NAALADL2: variants seen among roughly 807,000 people sequenced by gnomAD.
NAALADL2 encodes the protein inactive N-acetylated-alpha-linked acidic dipeptidase-like protein 2.
Under a neutral mutation model 87.2 loss-of-function variants are expected in NAALADL2, and 76 were observed. The observed-to-expected ratio is 0.87, with a 90% confidence interval of 0.72 to 1.05. NAALADL2 has a LOEUF of 1.05. Ranked by LOEUF, NAALADL2 falls within the 50% of genes least tolerant of loss-of-function variation. The pLI is 0.00. For missense variants in NAALADL2, 1,089 were observed against 945.8 expected, an observed-to-expected ratio of 1.15 and a Z score of -1.99; for synonymous variants, 354 against 331.0, an observed-to-expected ratio of 1.07 and a Z score of -0.75.
chr3:175,791,990 T>C (rs1752843488), intron 13 of NAALADL2, among the ~76,000 whole-genome samples: 1 of 151,540 alleles, frequency 6.6e-6, no homozygotes, highest in South Asian at 2.1e-4. Context: ...TTTAACATAA[T>C]CACTAAAAAT....
chr3:174,799,834 C>T (rs779990836), intron 3 of NAALADL2, among the ~76,000 whole-genome samples: 47 of 151,960 alleles, frequency 3.1e-4, no homozygotes, highest in African/African-American at 8.5e-4. Context: ...ATAGTGATGT[C>T]GAATATAAGG....
At position 174,820,981 on chromosome 3, in the gene NAALADL2, A is replaced by T. The variant is rs181968602; in HGVS notation, c.-9+83235A>T. On this transcript the variant is annotated intron_variant, in intron 3 of 3. Coordinates refer to the NAALADL2 transcript ENST00000434257. ...ACTGAACTCACTCTCCAATATTCAG[A>T]AACAGAGATTAGGTTTTTTGTTTTC... Among the ~76,000 whole-genome samples the T allele has an allele frequency of 5.6e-3, 846 of 152,334 alleles. 7 individuals are homozygous for T. Among genetic ancestry groups the T allele is most frequent in the Admixed American group, 0.029 (444 of 15,294 alleles).
intron 4 of NAALADL2, among the ~76,000 whole-genome samples, chr3:175,280,975 A>T (rs1210435601): frequency 2.0e-5 from 3 of 151,982 alleles, no homozygotes; most frequent in African/African-American, 7.2e-5. Context: ...CTCTGGGCCC[A>T]CACCAACCCT....
intron 5 of NAALADL2, among the ~76,000 whole-genome samples, chr3:175,367,086 A>G (rs1386297153): frequency 6.6e-6 from 1 of 151,360 alleles, no homozygotes; most frequent in East Asian, 1.9e-4. Context: ...ATGGCTAGCC[A>G]GTTTTCCCAG....
chr3:175,605,649 T>TTTTTGTTTTG lies in NAALADL2; in HGVS notation c.1801-21638_1801-21637insGTTTTGTTTT, dbSNP rs1553931400. 2.2e-3 allele frequency among the ~76,000 whole-genome samples: 329 copies of TTTTTGTTTTG among 149,292 alleles called. 1 individual carries two copies. The highest frequency in any genetic ancestry group is 6.3e-3 in the African/African-American group (257 of 41,022). On this transcript the variant is annotated intron_variant, in intron 10 of 13. Transcript: ENST00000454872. ...TAGATGTATATTGCTTGTTTTTTTT[T>TTTTTGTTTTG]TTTTTTTAACTGTATTTAGATAACA...
chr3:175,064,288 A>G (rs1224510741), intron 1 of NAALADL2, among the ~76,000 whole-genome samples: 2 of 152,074 alleles, frequency 1.3e-5, no homozygotes, highest in Admixed American at 6.6e-5. Flanking sequence ...CCACCAAGAC[A>G]ACAGGTTCAA....
At chr3:175,179,209 C>T (rs1365811959) in intron 2 of NAALADL2, among the ~76,000 whole-genome samples, 2 of 152,010 alleles carry the variant, frequency 1.3e-5, no homozygotes, top group Non-Finnish European at 2.9e-5. Flanking sequence ...TTAATTTGCA[C>T]ATGAGTTACT....
At chr3:175,302,053 T>A (rs1249556633) in intron 4 of NAALADL2, among the ~76,000 whole-genome samples, 1 of 152,160 alleles carries the variant, frequency 6.6e-6, no homozygotes, top group Non-Finnish European at 1.5e-5. Flanking sequence ...AAAGCAGTAA[T>A]CAATCCTAAG....
At position 174,594,621 on chromosome 3, in the gene NAALADL2, G is replaced by T. The variant is rs533329710; in HGVS notation, c.-115+43984G>T. Among the ~76,000 whole-genome samples, 5 of 152,266 alleles carry T rather than the reference G, an allele frequency of 3.3e-5. No individual in the cohort carries two copies. The East Asian group carries it at 9.7e-4, about 29-fold the overall frequency. ...ACCCAGACTAGCTAACCAAAGAATG[G>T]CCTGGAGGGACTGTGATATAGCATC... On this transcript the variant is annotated intron_variant, in intron 2 of 3. Transcript: ENST00000434257.
At chr3:175,793,296 G>A (rs185073580) in intron 13 of NAALADL2, among the ~76,000 whole-genome samples, 237 of 147,104 alleles carry the variant, frequency 1.6e-3, no homozygotes, top group African/African-American at 5.4e-3. Context: ...TAACAAAACA[G>A]CATTTTCTTT....
intron 1 of NAALADL2, among the ~76,000 whole-genome samples, chr3:174,919,393 G>T (rs1288597086): frequency 1.3e-5 from 2 of 152,052 alleles, no homozygotes; most frequent in Admixed American, 1.3e-4. Context: ...TAAATCTTTT[G>T]TTGTCATTTC....
At chr3:175,688,192 A>C in intron 11 of NAALADL2, among the ~76,000 whole-genome samples, 1 of 152,142 alleles carries the variant, frequency 6.6e-6, no homozygotes, top group East Asian at 1.9e-4. Flanking sequence ...TCCGCAGGTT[A>C]GGTAGGATGA....
rs1237550155 is a variant in NAALADL2 at position 175,275,867 on chromosome 3, T to C, written c.939+19337T>C. Among the ~76,000 whole-genome samples, 5 of 150,800 alleles carry C rather than the reference T, an allele frequency of 3.3e-5. No individual in the cohort carries two copies. The South Asian group carries it at 6.2e-4, about 19-fold the overall frequency. ...TAATAATTATAATAAGTTTAAGCTTTATAATAATGATAGTAAGAAAACTCC... is the reference window on the plus strand; with the variant it reads ...TAATAATTATAATAAGTTTAAGCTTCATAATAATGATAGTAAGAAAACTCC... On this transcript the variant is annotated intron_variant, in intron 4 of 13. Transcript: ENST00000454872.
chr3:175,079,828 TCAAA>T (rs142174407), intron 1 of NAALADL2, among the ~76,000 whole-genome samples: 8,542 of 152,210 alleles, frequency 0.056, 295 homozygotes, highest in Middle Eastern at 0.14. Context: ...AAACACATAC[TCAAA>T]CAGTTATTCA....
intron 10 of NAALADL2, among the ~76,000 whole-genome samples, chr3:175,614,930 A>AT (rs1274478840): frequency 6.6e-6 from 1 of 152,218 alleles, no homozygotes; most frequent in Non-Finnish European, 1.5e-5. Flanking sequence ...TAAAACAGAA[A>AT]TTCTGAGATT....
intron 7 of NAALADL2, among the ~76,000 whole-genome samples, chr3:175,465,596 C>G (rs997606866): frequency 5.9e-5 from 9 of 151,652 alleles, no homozygotes; most frequent in Non-Finnish European, 1.2e-4. Context: ...CCTCAGCCTC[C>G]CGAATAGCTG....
chr3:174,983,916 C>G (rs1002060959), intron 1 of NAALADL2, among the ~76,000 whole-genome samples: 4 of 152,076 alleles, frequency 2.6e-5, no homozygotes, highest in Non-Finnish European at 4.4e-5. Context: ...AATATAAAAA[C>G]ATACACAAAA....
At chr3:174,888,819 G>T (rs1198234226) in intron 1 of NAALADL2, among the ~76,000 whole-genome samples, 3 of 152,130 alleles carry the variant, frequency 2.0e-5, no homozygotes, top group Admixed American at 6.6e-5. Flanking sequence ...TACCATATCG[G>T]CATAAACATA....
At chr3:174,723,705 G>A (rs1443323298) in intron 2 of NAALADL2, among the ~76,000 whole-genome samples, 1 of 125,566 alleles carries the variant, frequency 8.0e-6, no homozygotes, top group East Asian at 2.7e-4. Flanking sequence ...GCAGTGAGCA[G>A]AGACTGCGCC....
Sources: gnomAD v4.1 joint callset for allele counts (sites outside exome capture counted in the v4.1 genomes callset) on GRCh38, gnomAD v4.1.1 for gene constraint, MANE v1.5 for transcripts, NCBI Gene and HGNC (gene_info 2026-07-23, HGNC 2026-07-21) for gene names.